Variants in UTP20 observed in about 807,000 individuals in gnomAD.
The protein encoded by UTP20 is small subunit processome component 20 homolog.
In UTP20, 164 loss-of-function variants were observed where a neutral mutation model predicts 329.5. The observed-to-expected ratio is 0.50, with a 90% confidence interval of 0.44 to 0.57. UTP20 has a LOEUF of 0.57. UTP20 is among the 20% of genes least tolerant of loss of function. The pLI, the probability that UTP20 is intolerant of heterozygous loss-of-function variation, is 0.00. For synonymous variants in UTP20, 1,151 were observed against 1,159.3 expected (o/e 0.99, Z 0.14); for missense variants, 3,055 against 3,284.2 (o/e 0.93, Z 1.71).
chr12:101,372,322 A>G (rs1278297104), intron 51 of UTP20, among the ~76,000 whole-genome samples: 2 of 152,244 alleles, frequency 1.3e-5, no homozygotes, highest in Non-Finnish European at 2.9e-5. Flanking sequence ...GCAGTGTCAC[A>G]TGAACAAGTT....
chr12:101,348,748 T>A (rs1359555260), intron 38 of UTP20, among the ~76,000 whole-genome samples: 1 of 146,122 alleles, frequency 6.8e-6, no homozygotes, highest in Admixed American at 6.8e-5. Flanking sequence ...GGTTTTTTTT[T>A]TTTTTTTTTT....
chr12:101,290,956 T>C (rs1024961214), intron 8 of UTP20, 68 bp downstream of exon 8: 4 of 1,512,946 alleles, frequency 2.6e-6, no homozygotes, highest in Non-Finnish European at 3.6e-6. Flanking sequence ...CTGCTCTCAG[T>C]TTTGCAAATC....
intron 12 of UTP20, among the ~76,000 whole-genome samples, chr12:101,298,160 C>T (rs1464283575): frequency 6.6e-6 from 1 of 152,134 alleles, no homozygotes; most frequent in South Asian, 2.1e-4. Flanking sequence ...CAACTACTTA[C>T]GGTATCAGGC....
At chr12:101,337,927 C>G in intron 29 of UTP20, 124 bp from the exon 30 acceptor site, 1 of 859,532 alleles carries the variant, frequency 1.2e-6, no homozygotes, top group Non-Finnish European at 1.8e-6. Context: ...TAAACTAATT[C>G]CCCTTTGAAT....
chr12:101,375,822 T>G, intron 56 of UTP20, 66 bp downstream of exon 56: 2 of 1,052,194 alleles, frequency 1.9e-6, no homozygotes, highest in Non-Finnish European at 2.8e-6. Context: ...AAAGTAGATT[T>G]GAGAAATTCG....
chr12:101,304,729 CAA>C (rs1386421013), intron 15 of UTP20, among the ~76,000 whole-genome samples: 1 of 152,212 alleles, frequency 6.6e-6, no homozygotes, highest in Non-Finnish European at 1.5e-5. Context: ...CCCTCCACCA[CAA>C]AGAGTTCTCT....
chr12:101,382,574 C>T (rs144263845), intron 58 of UTP20, among the ~76,000 whole-genome samples: 1,699 of 152,138 alleles, frequency 0.011, 23 homozygotes, highest in Non-Finnish European at 0.014. Context: ...TGATCTAGGC[C>T]AGGCACGGTG....
intron 5 of UTP20, among the ~76,000 whole-genome samples, chr12:101,287,352 A>G (rs1015076382): frequency 8.5e-5 from 13 of 152,378 alleles, no homozygotes; most frequent in African/African-American, 3.1e-4. Context: ...ATATTATTTC[A>G]TTAAACAACC....
intron 40 of UTP20, among the ~76,000 whole-genome samples, chr12:101,353,819 G>A (rs1010279936): frequency 9.8e-5 from 15 of 152,316 alleles, no homozygotes; most frequent in Middle Eastern, 3.4e-3. Flanking sequence ...ATTAAAAAGC[G>A]TCACGATTAA....
At chr12:101,377,237 T>G (rs1870504340) in intron 56 of UTP20, among the ~76,000 whole-genome samples, 3 of 152,236 alleles carry the variant, frequency 2.0e-5, no homozygotes, top group Non-Finnish European at 4.4e-5. Flanking sequence ...AAGATTCATG[T>G]AGATCAAAAG....
chr12:101,354,775 C>T, intron 40 of UTP20, 57 bp from the exon 41 acceptor site: 1 of 1,558,480 alleles, frequency 6.4e-7, no homozygotes, highest in Non-Finnish European at 8.7e-7. Flanking sequence ...CTGCTTACCA[C>T]AACTGTGTGG....
intron 22 of UTP20, among the ~76,000 whole-genome samples, chr12:101,318,831 GAAAA>G (rs35483128): frequency 2.0e-5 from 2 of 97,684 alleles, no homozygotes; most frequent in African/African-American, 3.8e-5. Flanking sequence ...ACTCCATCTT[GAAAA>G]AAAAAAAAAA....
intron 5 of UTP20, among the ~76,000 whole-genome samples, chr12:101,286,725 G>C (rs1256775706): frequency 2.0e-5 from 3 of 151,658 alleles, no homozygotes; most frequent in African/African-American, 7.3e-5. Context: ...ACCCAAGAAG[G>C]CCTGACTCGG....
chr12:101,371,179 A>G lies in UTP20; in HGVS notation c.6798+11A>G. Reference sequence around the variant, plus strand: ...GTCCAGTGTAGACAGGTTTGTAGAGAGCACTTATCCCCATAGCAAGGGCTG... The same window carrying G: ...GTCCAGTGTAGACAGGTTTGTAGAGGGCACTTATCCCCATAGCAAGGGCTG... On this transcript the variant is annotated intron_variant, in intron 51 of 61. Coordinates refer to ENST00000261637, the MANE Select transcript of UTP20 (RefSeq NM_014503.3). 1 of 1,588,746 alleles carries G rather than the reference A, an allele frequency of 6.3e-7. No homozygotes were observed. Among genetic ancestry groups the G allele is most frequent in the Non-Finnish European group, 8.6e-7 (1 of 1,166,350 alleles).
At chr12:101,348,077 C>A (rs1869390366) in intron 38 of UTP20, among the ~76,000 whole-genome samples, 1 of 152,228 alleles carries the variant, frequency 6.6e-6, no homozygotes, top group Non-Finnish European at 1.5e-5. Flanking sequence ...GATCTGCCCA[C>A]CTCAGCCTCC....
intron 15 of UTP20, among the ~76,000 whole-genome samples, chr12:101,305,500 G>A (rs983469905): frequency 6.7e-6 from 1 of 148,576 alleles, no homozygotes; most frequent in Non-Finnish European, 1.5e-5. Flanking sequence ...CATTAGCTCG[G>A]TGCCTGGCAC....
At chr12:101,373,129 T>C (rs1233941963) in intron 52 of UTP20, among the ~76,000 whole-genome samples, 166 bp downstream of exon 52, 1 of 152,200 alleles carries the variant, frequency 6.6e-6, no homozygotes. Context: ...CTTGGCTTCA[T>C]ATAGCCGTTC....
intron 41 of UTP20, 67 bp downstream of exon 41, chr12:101,355,185 T>G: frequency 6.6e-7 from 1 of 1,512,240 alleles, no homozygotes. Flanking sequence ...CCTGTCACAC[T>G]GAGGCTCTTG....
In UTP20 at chr12:101,321,557, A is replaced by G. The variant is rs1482398063; in HGVS notation, c.2969A>G (p.His990Arg). The change falls in exon 25 of 62, where the codon CAT (histidine) becomes CGT (arginine). Residue 990 changes from histidine (H) to arginine (R), a missense_variant. Transcript: ENST00000261637. ...AGAAGCTTTAAGGAAGAGATAGTGC[A>G]TTTTAGCATTTCAGAAGATAATGCT... ...EDRSFKEEIV[H>R]FSISEDNAVV... is the part of the protein sequence containing the mutation. 1.2e-6 allele frequency: 2 copies of G among 1,613,716 alleles called. No individual in the cohort carries two copies. Among genetic ancestry groups the G allele is most frequent in the East Asian group, 2.2e-5 (1 of 44,794 alleles).
Sources: allele counts gnomAD v4.1 joint callset (sites outside exome capture counted in the v4.1 genomes callset), GRCh38; gene constraint gnomAD v4.1.1; transcripts MANE v1.5; gene names NCBI Gene and HGNC (gene_info 2026-07-23, HGNC 2026-07-21).